Variants in LMF1 observed in about 807,000 individuals in gnomAD.
LMF1 encodes the protein transmembrane protein 112.
A neutral mutation model predicts 60.6 loss-of-function variants in LMF1; 68 were observed. The ratio of observed to expected loss-of-function variants is 1.12; its 90% confidence interval spans 0.92 to 1.37. The LOEUF (loss-of-function observed/expected upper bound fraction) is 1.37. Among genes scored for constraint, LMF1 ranks in the 40% most tolerant of loss-of-function variants. LMF1 has a pLI of 0.00. For missense variants in LMF1, 948 were observed against 767.2 expected (o/e 1.24, Z -2.78); for synonymous variants, 418 against 324.7 (o/e 1.29, Z -3.09).
chr16:885,267 A>G (rs927415789), intron 5 of LMF1, among the ~76,000 whole-genome samples: 1 of 152,266 alleles, frequency 6.6e-6, no homozygotes, highest in Non-Finnish European at 1.5e-5. Context: ...GAAAATAAAA[A>G]GGAGTCACAA....
chr16:935,962 C>T (rs1032369978), intron 2 of LMF1, among the ~76,000 whole-genome samples: 1 of 152,272 alleles, frequency 6.6e-6, no homozygotes, highest in Non-Finnish European at 1.5e-5. Context: ...AGGTGTGTGG[C>T]TGCCCCAGTG....
intron 3 of LMF1, among the ~76,000 whole-genome samples, chr16:931,178 G>A (rs911107651): frequency 2.0e-5 from 3 of 152,026 alleles, no homozygotes; most frequent in African/African-American, 7.2e-5. Flanking sequence ...ATGCGGCCAC[G>A]GAGCACATGA....
chr16:912,646 G>A (rs1435986060), intron 3 of LMF1, among the ~76,000 whole-genome samples: 5 of 152,180 alleles, frequency 3.3e-5, no homozygotes, highest in East Asian at 1.9e-4. Flanking sequence ...GTCTCTCAGC[G>A]GGACCCCCTC....
rs531396296 is a variant in LMF1 at position 976,411 on chromosome 16, A to G, written c.-135+4734T>C. 5.2e-4 allele frequency: 235 copies of G among 454,134 alleles called. 2 individuals carry two copies. The highest frequency in any genetic ancestry group is 3.5e-3 in the South Asian group (223 of 64,480). The allele number at this position is 454,134 out of a possible 1,614,324, so 28.1% of individuals were successfully genotyped here. On this transcript the variant is annotated intron_variant, in intron 1 of 6. Coordinates refer to the LMF1 transcript ENST00000570014. ...CACGGCACAGCTGTACTGCAGGGTT[A>G]GGGACAGGATTTACTGCCACCAACG...
chr16:907,616 C>T (rs2071002987), intron 4 of LMF1, among the ~76,000 whole-genome samples: 1 of 152,054 alleles, frequency 6.6e-6, no homozygotes, highest in African/African-American at 2.4e-5. Context: ...ACCACAGGTG[C>T]TGGTTTCTGA....
intron 1 of LMF1, among the ~76,000 whole-genome samples, chr16:957,643 C>T (rs1290053000): frequency 2.0e-5 from 3 of 152,106 alleles, no homozygotes; most frequent in African/African-American, 7.2e-5. Context: ...TGGAAAAGAA[C>T]AGAGGTGGAG....
chr16:969,737 G>C (rs2073002070), intron 1 of LMF1, among the ~76,000 whole-genome samples: 1 of 152,218 alleles, frequency 6.6e-6, no homozygotes, highest in Non-Finnish European at 1.5e-5. Flanking sequence ...CTGCATCTCG[G>C]CCTGGCAGGC....
intron 10 of LMF1, among the ~76,000 whole-genome samples, chr16:861,374 T>G (rs67010338): frequency 0.012 from 1,633 of 139,840 alleles, 10 homozygotes; most frequent in Non-Finnish European, 0.016. Flanking sequence ...TTTTTTTTTT[T>G]TGAGATGGAG....
intron 6 of LMF1, 96 bp from the exon 7 acceptor site, chr16:871,437 A>G: frequency 1.8e-6 from 2 of 1,094,260 alleles, no homozygotes. Flanking sequence ...GGGGGAGGGA[A>G]CCTGCACCCA....
At chr16:913,994 C>T (rs921932172) in intron 3 of LMF1, among the ~76,000 whole-genome samples, 3 of 152,214 alleles carry the variant, frequency 2.0e-5, no homozygotes, top group Non-Finnish European at 4.4e-5. Context: ...TGCCACATGG[C>T]GCCTCTTGGA....
intron 4 of LMF1, 133 bp downstream of exon 4, chr16:910,798 T>C: frequency 8.9e-7 from 1 of 1,124,694 alleles, no homozygotes; most frequent in Non-Finnish European, 1.3e-6. Context: ...AGTGCGCAGC[T>C]GGCCAGGCCA....
At chr16:861,409 G>A (rs1362506934) in intron 10 of LMF1, among the ~76,000 whole-genome samples, 1 of 142,614 alleles carries the variant, frequency 7.0e-6, no homozygotes, top group African/African-American at 2.6e-5. Context: ...CCAGGCTGGA[G>A]TGCAGTGACG....
In LMF1 at chr16:965,332, T is replaced by C. The variant is rs539447759; in HGVS notation, c.193+5456A>G. 2.6e-5 allele frequency among the ~76,000 whole-genome samples: 4 copies of C among 152,206 alleles called. No individual in the cohort carries two copies. The South Asian group carries it at 8.3e-4, about 32-fold the overall frequency. On this transcript the variant is annotated intron_variant, in intron 1 of 10. Transcript: ENST00000262301. ...GGAACCCAGCTGGGGCATGCGGTGT[T>C]TGGAACACATGGGCAGATTGGGGAG...
chr16:925,426 C>T (rs2151772915), intron 3 of LMF1, among the ~76,000 whole-genome samples: 1 of 152,234 alleles, frequency 6.6e-6, no homozygotes, highest in Admixed American at 6.5e-5. Context: ...ACAAAATGGC[C>T]TTTAAAATCT....
intron 4 of LMF1, chr16:902,338 C>A (rs569841182): frequency 3.3e-5 from 5 of 152,848 alleles, no homozygotes; most frequent in Admixed American, 2.6e-4. Flanking sequence ...TCAGAGCCCT[C>A]ACCTCACCTC....
intron 10 of LMF1, among the ~76,000 whole-genome samples, chr16:866,124 C>G (rs1013041095): frequency 2.0e-5 from 3 of 152,218 alleles, no homozygotes; most frequent in Admixed American, 6.5e-5. Context: ...GTCGACTGTC[C>G]TTTTTCACCA....
intron 4 of LMF1, among the ~76,000 whole-genome samples, chr16:898,040 C>T (rs914541141): frequency 8.5e-5 from 13 of 152,242 alleles, no homozygotes; most frequent in Non-Finnish European, 1.9e-4. Flanking sequence ...CTCTGGGCCA[C>T]TTCATGCCTC....
At chr16:863,498 G>A (rs996712734) in intron 10 of LMF1, among the ~76,000 whole-genome samples, 1 of 152,146 alleles carries the variant, frequency 6.6e-6, no homozygotes, top group African/African-American at 2.4e-5. Flanking sequence ...ATTCTTACTA[G>A]AGGGTTGCTG....
At chr16:959,753 G>A (rs1283545554) in intron 1 of LMF1, among the ~76,000 whole-genome samples, 1 of 151,960 alleles carries the variant, frequency 6.6e-6, no homozygotes, top group East Asian at 1.9e-4. Context: ...GTGCACCAGG[G>A]CTGAGCAGAT....
Sources: allele counts gnomAD v4.1 joint callset (sites outside exome capture counted in the v4.1 genomes callset), GRCh38; gene constraint gnomAD v4.1.1; transcripts MANE v1.5; gene names NCBI Gene and HGNC (gene_info 2026-07-23, HGNC 2026-07-21).